ASB11: variants seen among roughly 807,000 people sequenced by gnomAD.
ASB11 encodes the protein ankyrin repeat and SOCS box containing 11.
A neutral mutation model predicts 20.1 loss-of-function variants in ASB11; 17 were observed. That is an observed-to-expected ratio of 0.85 (90% confidence interval 0.58 to 1.27). The LOEUF (loss-of-function observed/expected upper bound fraction) is 1.27. Ranked by LOEUF, ASB11 falls within the 50% of genes most tolerant of loss-of-function variation. The pLI is 0.00. For missense variants in ASB11, 259 were observed against 256.9 expected (o/e 1.01, Z -0.06); for synonymous variants, 107 against 105.6 (o/e 1.01, Z -0.08).
chrX:15,310,959 C>A (rs1025214864), intron 1 of ASB11, among the ~76,000 whole-genome samples: 1 of 112,031 alleles, frequency 8.9e-6, no homozygotes, highest in Non-Finnish European at 1.9e-5. Context: ...TGCACTCCAG[C>A]TTGGGCAATA....
chrX:15,284,984 C>T (rs991099294), intron 6 of ASB11, among the ~76,000 whole-genome samples: 1 of 111,257 alleles, frequency 9.0e-6, no homozygotes, highest in Non-Finnish European at 1.9e-5. Flanking sequence ...ACCAAACAAT[C>T]GATCTTAGTT....
intron 2 of ASB11, among the ~76,000 whole-genome samples, chrX:15,298,768 G>A (rs954450808): frequency 1.8e-5 from 2 of 111,672 alleles, no homozygotes; most frequent in Admixed American, 9.5e-5. Context: ...AGCTGGATCT[G>A]AAACAAAACA....
At chrX:15,291,655 C>T (rs1397487813) in intron 4 of ASB11, among the ~76,000 whole-genome samples, 4 of 94,885 alleles carry the variant, frequency 4.2e-5, no homozygotes, top group Admixed American at 1.2e-4. Flanking sequence ...TGCAGTGAGC[C>T]GAGATTGTGC....
chrX:15,286,280 T>G (rs1335652237), intron 6 of ASB11, among the ~76,000 whole-genome samples: 1 of 111,144 alleles, frequency 9.0e-6, no homozygotes, highest in Non-Finnish European at 1.9e-5. Flanking sequence ...TATGATGTAG[T>G]GGTTTCACAA....
intron 3 of ASB11, among the ~76,000 whole-genome samples, chrX:15,296,838 A>G (rs1350258184): frequency 8.9e-6 from 1 of 112,009 alleles, no homozygotes; most frequent in Non-Finnish European, 1.9e-5. Context: ...AAACAGAGAT[A>G]CCATATGATC....
intron 3 of ASB11, among the ~76,000 whole-genome samples, chrX:15,296,512 G>C (rs1920966437): frequency 9.0e-6 from 1 of 111,664 alleles, no homozygotes; most frequent in Non-Finnish European, 1.9e-5. Flanking sequence ...ATTTTTAGAA[G>C]TTGTGATTTT....
Position 15,302,788 on chromosome X carries a change from G to A in ASB11, c.201C>T (p.Ser67=), listed in dbSNP as rs1171944288. 8.3e-7 allele frequency: 1 copy of A among 1,210,330 alleles called. No homozygotes were observed. The highest frequency in any genetic ancestry group is 1.7e-5 in the African/African-American group (1 of 57,692). The stretch of plus-strand genomic sequence containing the variant: ...CCTGAGCTGCAGCTTCATGAAGTGG[G>A]GATCGATCAGCCCAGCAATCTGAAA... ...GGISDCWADR[S]PLHEAAAQGR... The change falls in exon 2 of 7, where the codon TCC becomes TCT. Residue 67 remains serine (S), a synonymous_variant. Transcript: ENST00000480796.
chrX:15,287,429 C>T (rs977547251), intron 6 of ASB11, among the ~76,000 whole-genome samples: 1 of 112,635 alleles, frequency 8.9e-6, no homozygotes, highest in African/African-American at 3.2e-5. Context: ...CAGGTTCAAG[C>T]GATTCTCCTG....
In ASB11 at chrX:15,302,761, C is replaced by T. The variant is rs1453620991; in HGVS notation, c.228G>A (p.Gly76=). The T allele has an allele frequency of 2.5e-6, 3 of 1,209,045 alleles. No homozygotes were observed. The African/African-American group carries it at 5.3e-5, about 21-fold the overall frequency. ...TTAAAGTTTTAAGGGCCAGTAAGCGCCCCTGAGCTGCAGCTTCATGAAGTG... is the reference window on the plus strand; with the variant it reads ...TTAAAGTTTTAAGGGCCAGTAAGCGTCCCTGAGCTGCAGCTTCATGAAGTG... The part of the protein sequence containing the change: ...RSPLHEAAAQ[G]RLLALKTLIA... The change falls in exon 2 of 7, where the codon GGG becomes GGA. Residue 76 remains glycine (G), a synonymous_variant. Transcript: ENST00000480796.
At chrX:15,284,151 C>A (rs1927290647) in intron 6 of ASB11, among the ~76,000 whole-genome samples, 2 of 104,640 alleles carry the variant, frequency 1.9e-5, no homozygotes, top group Non-Finnish European at 3.9e-5. Flanking sequence ...ACTCGGGAGG[C>A]TGAGGCAGGA....
intron 3 of ASB11, 23 bp downstream of exon 3, chrX:15,297,551 A>G (rs781393399): frequency 8.9e-6 from 10 of 1,124,965 alleles, no homozygotes; most frequent in South Asian, 2.1e-5. Flanking sequence ...AGACAGACCC[A>G]AGTGGGCAGG....
At chrX:15,304,204 T>C (rs1447493383) in intron 1 of ASB11, among the ~76,000 whole-genome samples, 1 of 112,526 alleles carries the variant, frequency 8.9e-6, no homozygotes, top group East Asian at 2.8e-4. Flanking sequence ...AATGGAATTG[T>C]GTGAATTTGA....
At chrX:15,289,420 A>T (rs1317070514) in intron 5 of ASB11, 84 bp downstream of exon 5, 1 of 1,015,024 alleles carries the variant, frequency 9.9e-7, no homozygotes, top group Admixed American at 3.0e-5. Context: ...ATATTTTTCA[A>T]CCATGACAAG....
At chrX:15,301,502 T>C (rs1921065121) in intron 2 of ASB11, among the ~76,000 whole-genome samples, 1 of 109,023 alleles carries the variant, frequency 9.2e-6, no homozygotes, top group African/African-American at 3.4e-5. Flanking sequence ...TACATACACA[T>C]GCACACACAG....
chrX:15,287,695 T>C lies in ASB11; in HGVS notation c.847+186A>G, dbSNP rs780354160. ...CTGGTTATAGGTAAATGCCCTTTGG[T>C]TGTTAGTGAATATACACAGCATATA... On this transcript the variant is annotated intron_variant, in intron 6 of 6. Coordinates refer to ENST00000480796, the MANE Select transcript of ASB11 (RefSeq NM_080873.3). Among the ~76,000 whole-genome samples the C allele has an allele frequency of 6.2e-5, 7 of 112,761 alleles. No individual in the cohort carries two copies. In the South Asian group the frequency reaches 2.5e-3, roughly 41 times the overall value.
chrX:15,299,111 A>G (rs1920998347), intron 2 of ASB11, among the ~76,000 whole-genome samples: 1 of 112,025 alleles, frequency 8.9e-6, no homozygotes, highest in South Asian at 3.7e-4. Flanking sequence ...CCTCCCTCTG[A>G]TGATCACGTT....
chrX:15,298,195 G>A (rs1920986442), intron 2 of ASB11, among the ~76,000 whole-genome samples: 2 of 112,059 alleles, frequency 1.8e-5, no homozygotes, highest in African/African-American at 6.5e-5. Context: ...CTTGAATCTG[G>A]CTTGGGGAGT....
chrX:15,310,736 C>T (rs767284349), intron 1 of ASB11, among the ~76,000 whole-genome samples: 5 of 112,340 alleles, frequency 4.5e-5, no homozygotes, highest in African/African-American at 1.6e-4. Context: ...GCCTGTAATC[C>T]CAGCACTTTG....
rs1379252502 is a variant in ASB11, at chrX:15,310,105, C to G, written c.181+5320G>C. 4.5e-5 allele frequency among the ~76,000 whole-genome samples: 5 copies of G among 109,893 alleles called. No homozygotes were observed. The Admixed American group carries it at 4.9e-4, about 11-fold the overall frequency. On this transcript the variant is annotated intron_variant, in intron 1 of 6. Transcript: ENST00000480796. The stretch of plus-strand genomic sequence containing the variant: ...CAAAGGACCTTCAAGGGTTTTCACA[C>G]AGAACCCTTTTCCAGAAACTGCCAC...
Sources: gnomAD v4.1 joint callset for allele counts (sites outside exome capture counted in the v4.1 genomes callset) on GRCh38, gnomAD v4.1.1 for gene constraint, MANE v1.5 for transcripts, NCBI Gene and HGNC (gene_info 2026-07-23, HGNC 2026-07-21) for gene names.